Variants in ST8SIA1 observed in about 807,000 individuals in gnomAD.
ST8SIA1 encodes ST8 alpha-N-acetyl-neuraminide alpha-2,8-sialyltransferase 1.
In ST8SIA1, 16 loss-of-function variants were observed where a neutral mutation model predicts 35.9. The ratio of observed to expected loss-of-function variants is 0.45; its 90% CI spans 0.30 to 0.68. The LOEUF is 0.68. Ranked by LOEUF, ST8SIA1 falls within the 30% of genes least tolerant of loss-of-function variation. ST8SIA1 has a pLI of 0.09. For synonymous variants in ST8SIA1, 170 were observed against 169.6 expected, an observed-to-expected ratio of 1.00 and a Z score of -0.02; for missense variants, 383 against 453.6, an observed-to-expected ratio of 0.84 and a Z score of 1.41.
rs535815130 is a variant in ST8SIA1, at chr12:22,201,780, G to A, written c.843C>T (p.Ser281=). The change falls in exon 5 of 5, where the codon AGC becomes AGT. Residue 281 remains serine (S), a synonymous_variant. Transcript: ENST00000396037. ...KRLSTGLFLV[S]AALGLCEEVA... ...CCTCTTCACAGAGACCCAGAGCTGCGCTCACCAGAAAAAGTCCTGTGGACA... is the reference window on the plus strand; with the variant it reads ...CCTCTTCACAGAGACCCAGAGCTGCACTCACCAGAAAAAGTCCTGTGGACA... The A allele has an allele frequency of 4.0e-5, 64 of 1,614,128 alleles. No individual in the cohort carries two copies. The highest frequency in any genetic ancestry group is 1.9e-4 in the South Asian group (17 of 91,088).
rs149224997 is a variant in ST8SIA1, at chr12:22,304,827, C to A, written c.237-17534G>T. On this transcript the variant is annotated intron_variant, in intron 1 of 4. Transcript: ENST00000396037. ...CAGATCCAGTTAAAAGACAAGTAGT[C>A]CCTATCTAAATAAAACTGGTCTCCT... Among the ~76,000 whole-genome samples, 21 of 152,340 alleles carry A rather than the reference C, an allele frequency of 1.4e-4. No individual in the cohort carries two copies. In the East Asian group the frequency reaches 4.0e-3, roughly 29 times the overall value.
At chr12:22,327,211 T>C (rs1350580249) in intron 1 of ST8SIA1, among the ~76,000 whole-genome samples, 1 of 152,182 alleles carries the variant, frequency 6.6e-6, no homozygotes, top group Non-Finnish European at 1.5e-5. Context: ...TCTATTCTCC[T>C]CCCTGGACAA....
chr12:22,255,760 C>T (rs1865722189), intron 2 of ST8SIA1, among the ~76,000 whole-genome samples: 1 of 152,126 alleles, frequency 6.6e-6, no homozygotes, highest in African/African-American at 2.4e-5. Context: ...CTCCATTCTC[C>T]TATGTGATTG....
chr12:22,266,264 C>T (rs1363609666), intron 2 of ST8SIA1, among the ~76,000 whole-genome samples: 1 of 151,748 alleles, frequency 6.6e-6, no homozygotes, highest in Admixed American at 6.6e-5. Context: ...CTAAAAAAAA[C>T]TCAAGCAGAC....
chr12:22,230,037 C>A (rs1349494516), intron 4 of ST8SIA1, among the ~76,000 whole-genome samples: 1 of 152,168 alleles, frequency 6.6e-6, no homozygotes, highest in Non-Finnish European at 1.5e-5. Flanking sequence ...TACCGGTAAC[C>A]ACTAGTTTCA....
At chr12:22,306,455 G>A (rs921947488) in intron 1 of ST8SIA1, among the ~76,000 whole-genome samples, 1 of 152,116 alleles carries the variant, frequency 6.6e-6, no homozygotes, top group Non-Finnish European at 1.5e-5. Context: ...GGCTTTGGAT[G>A]TTGAAACCAC....
At chr12:22,233,599 C>T (rs541074329) in intron 4 of ST8SIA1, among the ~76,000 whole-genome samples, 4 of 151,944 alleles carry the variant, frequency 2.6e-5, no homozygotes, top group African/African-American at 9.7e-5. Context: ...CAGTAAAACA[C>T]GGGTAAGCTG....
intron 4 of ST8SIA1, among the ~76,000 whole-genome samples, chr12:22,236,237 C>A (rs1865474970): frequency 6.6e-6 from 1 of 152,166 alleles, no homozygotes; most frequent in Non-Finnish European, 1.5e-5. Flanking sequence ...CGAAACAACA[C>A]AGGCCCTTGA....
intron 4 of ST8SIA1, among the ~76,000 whole-genome samples, chr12:22,246,820 C>T (rs1865609832): frequency 6.6e-6 from 1 of 152,096 alleles, no homozygotes; most frequent in African/African-American, 2.4e-5. Flanking sequence ...ATTAAAATAG[C>T]TTCTGTCTAT....
chr12:22,208,621 A>G (rs1865142311), intron 4 of ST8SIA1, among the ~76,000 whole-genome samples: 1 of 152,182 alleles, frequency 6.6e-6, no homozygotes, highest in African/African-American at 2.4e-5. Flanking sequence ...GTAAAATTTG[A>G]TAAGGTAATT....
chr12:22,294,530 C>A lies in ST8SIA1; in HGVS notation c.237-7237G>T, dbSNP rs185126354. On this transcript the variant is annotated intron_variant, in intron 1 of 4. Coordinates refer to ENST00000396037, the MANE Select transcript of ST8SIA1 (RefSeq NM_003034.4). ...AAAGATTAATCTTCTGGATAATTTG[C>A]CAGAACTACAAACACAGAGAAAAAC... Among the ~76,000 whole-genome samples, 459 of 152,220 alleles carry A rather than the reference C, an allele frequency of 3.0e-3. 1 individual carries two copies. Among genetic ancestry groups the A allele is most frequent in the Non-Finnish European group, 5.4e-3 (368 of 67,994 alleles).
At chr12:22,206,245 A>G (rs531423022) in intron 4 of ST8SIA1, among the ~76,000 whole-genome samples, 1 of 152,332 alleles carries the variant, frequency 6.6e-6, no homozygotes, top group South Asian at 2.1e-4. Context: ...AATCTAGGTT[A>G]CCTCAAAAAA....
chr12:22,333,729 A>G, intron 1 of ST8SIA1: 1 of 634,614 alleles, frequency 1.6e-6, no homozygotes, highest in South Asian at 1.8e-5. Flanking sequence ...TAAATTGTTA[A>G]ATAAAACTCC....
At chr12:22,302,248 T>C (rs753398645) in intron 1 of ST8SIA1, among the ~76,000 whole-genome samples, 3 of 152,098 alleles carry the variant, frequency 2.0e-5, no homozygotes, top group Admixed American at 2.0e-4. Context: ...TTTTCCTTTT[T>C]CCCCCCAATT....
intron 1 of ST8SIA1, among the ~76,000 whole-genome samples, chr12:22,288,538 G>C (rs564551432): frequency 6.6e-6 from 1 of 152,326 alleles, no homozygotes; most frequent in South Asian, 2.1e-4. Flanking sequence ...AGCTGCAGGA[G>C]CCCCGCGGTG....
At chr12:22,308,763 A>C (rs1301314485) in intron 1 of ST8SIA1, among the ~76,000 whole-genome samples, 1 of 152,166 alleles carries the variant, frequency 6.6e-6, no homozygotes, top group Non-Finnish European at 1.5e-5. Flanking sequence ...GAAGCATTTG[A>C]CACAGTTGAC....
intron 1 of ST8SIA1, chr12:22,324,674 T>G (rs529462514): frequency 1.3e-5 from 2 of 152,310 alleles, no homozygotes; most frequent in South Asian, 4.1e-4. Context: ...ATGAAAATAG[T>G]GTTGCTTTTA....
At chr12:22,279,707 C>G (rs1332360963) in intron 2 of ST8SIA1, among the ~76,000 whole-genome samples, 1 of 152,232 alleles carries the variant, frequency 6.6e-6, no homozygotes, top group Admixed American at 6.5e-5. Flanking sequence ...ACAGTAAGAA[C>G]TGCAATACCC....
intron 2 of ST8SIA1, among the ~76,000 whole-genome samples, chr12:22,258,986 C>T (rs1865756735): frequency 6.6e-6 from 1 of 152,158 alleles, no homozygotes; most frequent in Non-Finnish European, 1.5e-5. Context: ...GGGGTCTAAC[C>T]TCACACAGGC....
Sources: gnomAD v4.1 joint callset for allele counts (sites outside exome capture counted in the v4.1 genomes callset) on GRCh38, gnomAD v4.1.1 for gene constraint, MANE v1.5 for transcripts, NCBI Gene and HGNC (gene_info 2026-07-23, HGNC 2026-07-21) for gene names.